Variants in RYR2 observed in about 807,000 individuals in gnomAD.
RYR2 encodes the protein cardiac muscle ryanodine receptor-calcium release channel.
Under a neutral mutation model 601.1 loss-of-function variants are expected in RYR2, and 227 were observed. The observed-to-expected ratio is 0.38, with a 90% CI of 0.34 to 0.42. RYR2 has a LOEUF of 0.42. Ranked by LOEUF, RYR2 falls within the 10% of genes least tolerant of loss-of-function variation. The pLI is 1.00. For missense variants in RYR2, 4,646 were observed against 6,156.5 expected (o/e 0.75, Z 8.21); for synonymous variants, 2,223 against 2,175.1 (o/e 1.02, Z -0.61).
At position 237,548,442 on chromosome 1, in the gene RYR2, C is replaced by G. The variant is rs778473895; in HGVS notation, c.2918C>G (p.Thr973Arg). The change falls in exon 26 of 105, where the codon ACA becomes AGA. Residue 973 changes from threonine to arginine, a missense_variant. Thr to Arg is a moderately conservative substitution (Grantham distance 71). Around this residue, in one of 17 missense-constraint regions of RYR2, gnomAD observed 1,807 missense variants for 2,088.1 expected, o/e 0.87. Transcript: ENST00000366574. ...KMKLPKNYQL[T>R]SGYKPAPMDL... The stretch of plus-strand genomic sequence containing the variant: ...TCTCTGATTTGTAGTTACCAGCTGA[C>G]AAGTGGATACAAGCCTGCCCCTATG... 6.2e-7 allele frequency: 1 copy of G among 1,613,762 alleles called. No homozygotes were observed.
At chr1:237,717,816 T>A (rs974593096) in intron 72 of RYR2, among the ~76,000 whole-genome samples, 3 of 152,244 alleles carry the variant, frequency 2.0e-5, no homozygotes, top group African/African-American at 7.2e-5. Flanking sequence ...AAGATTTAAG[T>A]TCTCAAGATT....
At position 237,369,553 on chromosome 1, in the gene RYR2, A is replaced by G. The variant is rs1337908466; in HGVS notation, c.329A>G (p.His110Arg). The G allele has an allele frequency of 6.4e-7, 1 of 1,564,266 alleles. No homozygotes were observed. Among genetic ancestry groups the G allele is most frequent in the Admixed American group, 1.9e-5 (1 of 52,662 alleles). The change falls in exon 6 of 105, where the codon CAT (histidine) becomes CGT (arginine). Residue 110 changes from histidine to arginine, a missense_variant. Coordinates refer to ENST00000366574, the MANE Select transcript of RYR2 (RefSeq NM_001035.3). ...CTAAAGACTGCTCAAGGTGGTGGTC[A>G]TCGAACACTCCTCTACGGACATGCC... Reference protein sequence around the residue: ...FMMKTAQGGGHRTLLYGHAIL... With the variant: ...FMMKTAQGGGRRTLLYGHAIL...
intron 1 of RYR2, among the ~76,000 whole-genome samples, chr1:237,176,489 G>A (rs1678074820): frequency 1.3e-5 from 2 of 151,482 alleles, no homozygotes; most frequent in Non-Finnish European, 2.9e-5. Flanking sequence ...TGATTTTACT[G>A]GGTTCTGGCA....
chr1:237,774,012 A>G (rs1409910909), intron 87 of RYR2, among the ~76,000 whole-genome samples: 2 of 152,248 alleles, frequency 1.3e-5, no homozygotes, highest in East Asian at 3.8e-4. Context: ...ATAGAAACTT[A>G]AGAAAGAGAA....
At chr1:237,250,174 C>T (rs1687304446) in intron 1 of RYR2, among the ~76,000 whole-genome samples, 1 of 152,196 alleles carries the variant, frequency 6.6e-6, no homozygotes, top group Admixed American at 6.5e-5. Context: ...GGGAGACGGG[C>T]ACACTGCTCC....
chr1:237,322,863 T>A lies in RYR2; in HGVS notation c.169-8015T>A, dbSNP rs538120609. On this transcript the variant is annotated intron_variant, in intron 2 of 104. Coordinates refer to ENST00000366574, the MANE Select transcript of RYR2 (RefSeq NM_001035.3). ...GTGTGTGTGTGGTGTTAATTTTTTT[T>A]TAAAAAAAAAAACCTTTTTTGAGGA... Among the ~76,000 whole-genome samples the A allele has an allele frequency of 2.2e-3, 326 of 149,396 alleles. 2 individuals carry two copies. The highest frequency in any genetic ancestry group is 5.1e-3 in the African/African-American group (208 of 40,604).
At chr1:237,672,346 A>G (rs1685025546) in intron 58 of RYR2, among the ~76,000 whole-genome samples, 1 of 152,228 alleles carries the variant, frequency 6.6e-6, no homozygotes, top group African/African-American at 2.4e-5. Flanking sequence ...CTGATTACAA[A>G]TTAAGTTGCC....
chr1:237,218,633 G>C (rs1442836838), intron 1 of RYR2, among the ~76,000 whole-genome samples: 2 of 152,124 alleles, frequency 1.3e-5, no homozygotes, highest in Non-Finnish European at 2.9e-5. Context: ...TCACCATGGG[G>C]AATTTGGCAT....
Position 237,593,556 on chromosome 1 carries a change from G to A in RYR2, c.4356G>A (p.Gln1452=). The A allele has an allele frequency of 6.2e-7, 1 of 1,613,906 alleles. No individual in the cohort carries two copies. Among genetic ancestry groups the A allele is most frequent in the Non-Finnish European group, 8.5e-7 (1 of 1,179,840 alleles). ...GCTGGATTACATCAGATTTCCATCA[G>A]TATGACACAGGCTTTGACTTGGACA... ...WVGWITSDFH[Q]YDTGFDLDRV... is the part of the protein sequence containing the mutation. Residue 1452 remains glutamine (Q), a synonymous_variant, in exon 33 of 105, where the codon CAG becomes CAA. Transcript: ENST00000366574.
intron 27 of RYR2, among the ~76,000 whole-genome samples, chr1:237,558,452 A>G (rs1444243858): frequency 1.3e-5 from 2 of 152,102 alleles, no homozygotes; most frequent in Non-Finnish European, 2.9e-5. Flanking sequence ...TCTGGCCTTT[A>G]TGTTTTCTGA....
intron 42 of RYR2, among the ~76,000 whole-genome samples, chr1:237,631,906 T>A (rs1029426682): frequency 6.6e-6 from 1 of 151,966 alleles, no homozygotes; most frequent in Admixed American, 6.6e-5. Flanking sequence ...GTGCTGGGAT[T>A]ACAGGCGTGA....
chr1:237,515,071 T>G (rs1666283033), intron 24 of RYR2, among the ~76,000 whole-genome samples: 1 of 152,306 alleles, frequency 6.6e-6, no homozygotes, highest in African/African-American at 2.4e-5. Flanking sequence ...TTTTCTTATG[T>G]AAATTGTTGA....
intron 1 of RYR2, among the ~76,000 whole-genome samples, chr1:237,098,257 A>G (rs538578327): frequency 4.9e-4 from 74 of 152,308 alleles, no homozygotes; most frequent in African/African-American, 1.7e-3. Context: ...AGCTTTATTG[A>G]GGTATAATTG....
chr1:237,684,640 C>G lies in RYR2; in HGVS notation c.9018-2815C>G, dbSNP rs556021896. Among the ~76,000 whole-genome samples, 5 of 152,156 alleles carry G rather than the reference C, an allele frequency of 3.3e-5. No individual in the cohort carries two copies. The South Asian group carries it at 8.3e-4, about 25-fold the overall frequency. On this transcript the variant is annotated intron_variant, in intron 62 of 104. Transcript: ENST00000366574. ...TTTCGAAGAAGAGGTTACATTTGGTCAGGTATTTATCGGAGTATAAGGTAC... is the reference window on the plus strand; with the variant it reads ...TTTCGAAGAAGAGGTTACATTTGGTGAGGTATTTATCGGAGTATAAGGTAC...
intron 1 of RYR2, among the ~76,000 whole-genome samples, chr1:237,057,212 ATCTTGC>A (rs1662262094): frequency 6.6e-6 from 1 of 151,884 alleles, no homozygotes; most frequent in African/African-American, 2.4e-5. Context: ...TTTGGACGGA[ATCTTGC>A]TATGTCGCCC....
intron 102 of RYR2, among the ~76,000 whole-genome samples, chr1:237,829,868 A>T (rs1336685265): frequency 6.6e-6 from 1 of 152,104 alleles, no homozygotes; most frequent in Non-Finnish European, 1.5e-5. Flanking sequence ...TGCAAGGGGC[A>T]GACCTAAGCA....
At chr1:237,690,693 C>G (rs943102883) in intron 63 of RYR2, among the ~76,000 whole-genome samples, 2 of 152,096 alleles carry the variant, frequency 1.3e-5, no homozygotes, top group Non-Finnish European at 2.9e-5. Context: ...GAGACCCCAT[C>G]TCGACTAAGA....
At chr1:237,299,984 A>G (rs988055472) in intron 2 of RYR2, among the ~76,000 whole-genome samples, 1 of 152,208 alleles carries the variant, frequency 6.6e-6, no homozygotes, top group East Asian at 1.9e-4. Flanking sequence ...TGAGTCATTC[A>G]TTCATGAATC....
chr1:237,823,839 A>G (rs954837307), intron 101 of RYR2, among the ~76,000 whole-genome samples: 1 of 152,214 alleles, frequency 6.6e-6, no homozygotes, highest in African/African-American at 2.4e-5. Context: ...AAAAATTATA[A>G]AGGGGATATC....
Sources: gnomAD v4.1 joint callset for allele counts (sites outside exome capture counted in the v4.1 genomes callset) on GRCh38, gnomAD v4.1.1 for gene constraint, gnomAD v4.1.1 regional missense constraint, MANE v1.5 for transcripts, NCBI Gene and HGNC (gene_info 2026-07-23, HGNC 2026-07-21) for gene names.